Variants in USP28 observed in about 807,000 individuals in gnomAD.
USP28 encodes the protein ubiquitin carboxyl-terminal hydrolase 28.
Under a neutral mutation model 145.0 loss-of-function variants are expected in USP28, and 113 were observed. The ratio of observed to expected loss-of-function variants is 0.78; its 90% CI spans 0.67 to 0.91. The LOEUF (loss-of-function observed/expected upper bound fraction) is 0.91, where lower values mean the gene tolerates loss of function less well. Ranked by LOEUF, USP28 falls within the 40% of genes least tolerant of loss-of-function variation. The probability of loss-of-function intolerance (pLI) is 0.00; values close to 1 mark genes in which losing one functional copy is unlikely to be tolerated. For synonymous variants in USP28, 447 were observed against 450.9 expected (o/e 0.99, Z 0.11); for missense variants, 1,201 against 1,289.6 (o/e 0.93, Z 1.05).
intron 6 of USP28, 55 bp from the exon 7 acceptor site, chr11:113,833,612 C>G (rs1022979548): frequency 6.5e-7 from 1 of 1,546,316 alleles, no homozygotes; most frequent in Non-Finnish European, 8.7e-7. Context: ...AAAATCAGAA[C>G]GTGTAAAGAA....
At chr11:113,874,424 A>AAG (rs1949164986) in intron 1 of USP28, 3 of 148,578 alleles carry the variant, frequency 2.0e-5, no homozygotes, top group Non-Finnish European at 3.0e-5. Context: ...GACTCTGTCG[A>AAG]AAAAAAAAAA....
exon 23 of USP28, chr11:113,803,269 T>C (rs1353631214): frequency 3.1e-6 from 5 of 1,612,522 alleles, no homozygotes; most frequent in Non-Finnish European, 4.2e-6. Flanking sequence ...GGTAGGAAAG[T>C]GCCTCTTGGT....
intron 16 of USP28, among the ~76,000 whole-genome samples, chr11:113,810,196 C>A (rs1940751528): frequency 6.6e-6 from 1 of 152,108 alleles, no homozygotes; most frequent in Non-Finnish European, 1.5e-5. Flanking sequence ...TAAGAATGTC[C>A]ATTTCAAAAA....
chr11:113,851,844 A>G (rs1946488640), intron 3 of USP28, among the ~76,000 whole-genome samples: 1 of 57,802 alleles, frequency 1.7e-5, no homozygotes, highest in African/African-American at 4.2e-5. Flanking sequence ...TCTTTTTTTC[A>G]TTTCTTTCTT....
At position 113,817,565 on chromosome 11, in the gene USP28, T is replaced by C. The variant is rs148309647; in HGVS notation, c.1463+93A>G. 3,163 of 1,413,032 alleles carry C rather than the reference T, an allele frequency of 2.2e-3. 68 individuals are homozygous for C. Among genetic ancestry groups the C allele is most frequent in the Non-Finnish European group, 3.7e-4 (389 of 1,037,444 alleles). 87.5% of individuals were successfully genotyped at this position (1,413,032 alleles called of 1,614,324 possible). A position where few individuals can be genotyped will look rare whatever the true frequency, so the allele number is the denominator to read the frequency against. ...AGAGCTCACAGCTCCTGTGCTCTTATAGGTGACTGTCAATCAAGTACAAAG... is the reference window on the plus strand; with the variant it reads ...AGAGCTCACAGCTCCTGTGCTCTTACAGGTGACTGTCAATCAAGTACAAAG... On this transcript the variant is annotated intron_variant, in intron 13 of 24. Coordinates refer to ENST00000003302, the Ensembl canonical transcript of USP28.
chr11:113,832,124 T>A, intron 7 of USP28, 131 bp from the exon 8 acceptor site: 1 of 828,732 alleles, frequency 1.2e-6, no homozygotes, highest in Non-Finnish European at 1.9e-6. Flanking sequence ...TCTTTTTTTG[T>A]TTTGAGACAG....
chr11:113,862,622 T>C (rs770053052), intron 1 of USP28, among the ~76,000 whole-genome samples: 1 of 152,170 alleles, frequency 6.6e-6, no homozygotes, highest in African/African-American at 2.4e-5. Flanking sequence ...AGGATGCTGG[T>C]AGGCAAAACA....
chr11:113,816,161 T>C (rs1169617712), intron 13 of USP28, among the ~76,000 whole-genome samples: 2 of 152,196 alleles, frequency 1.3e-5, no homozygotes, highest in Non-Finnish European at 2.9e-5. Flanking sequence ...TAATTGTAGT[T>C]AGGTTTCTCT....
chr11:113,866,224 A>G (rs1948233731), intron 1 of USP28, among the ~76,000 whole-genome samples: 1 of 152,216 alleles, frequency 6.6e-6, no homozygotes, highest in African/African-American at 2.4e-5. Flanking sequence ...CCCAGGAGGC[A>G]GAGGTTGCAG....
At chr11:113,863,100 C>T (rs1046405016) in intron 1 of USP28, among the ~76,000 whole-genome samples, 2 of 152,082 alleles carry the variant, frequency 1.3e-5, no homozygotes, top group African/African-American at 4.8e-5. Context: ...AAAAGTAAAA[C>T]AGTATTCACA....
chr11:113,843,079 A>C (rs1945390946), intron 3 of USP28, among the ~76,000 whole-genome samples: 1 of 152,122 alleles, frequency 6.6e-6, no homozygotes. Context: ...AAAAATACAA[A>C]AAATTAGCTG....
At chr11:113,854,212 A>G (rs1338422369) in intron 2 of USP28, 46 bp downstream of exon 2, 1 of 1,526,360 alleles carries the variant, frequency 6.6e-7, no homozygotes. Flanking sequence ...TATAATATAG[A>G]CAGCTGCTTT....
At chr11:113,854,268 T>C (rs1486829331) in exon 2 of USP28, 3 of 1,613,960 alleles carry the variant, frequency 1.9e-6, no homozygotes, top group South Asian at 2.2e-5. Flanking sequence ...CTTCAGAGCT[T>C]CATGGAGAAA....
At chr11:113,863,369 G>T (rs74885584) in intron 1 of USP28, among the ~76,000 whole-genome samples, 1 of 152,028 alleles carries the variant, frequency 6.6e-6, no homozygotes, top group East Asian at 1.9e-4. Flanking sequence ...GCTGAGGCTG[G>T]GTGCGATGGC....
At chr11:113,874,117 G>A (rs1202242584) in intron 1 of USP28, among the ~76,000 whole-genome samples, 6 of 143,538 alleles carry the variant, frequency 4.2e-5, no homozygotes, top group Admixed American at 2.1e-4. Flanking sequence ...CCCCAGCCTG[G>A]GCGACAAAGT....
chr11:113,848,194 A>G (rs1946092577), intron 3 of USP28, among the ~76,000 whole-genome samples: 1 of 152,234 alleles, frequency 6.6e-6, no homozygotes, highest in Non-Finnish European at 1.5e-5. Context: ...AATTAAACAT[A>G]CTGATTAAAC....
chr11:113,848,083 G>C (rs1045636968), intron 3 of USP28, among the ~76,000 whole-genome samples: 1 of 152,210 alleles, frequency 6.6e-6, no homozygotes, highest in Non-Finnish European at 1.5e-5. Context: ...TATTAAGGAA[G>C]TGAGTAAAGA....
At chr11:113,801,526 G>T in exon 24 of USP28, 4 of 1,598,924 alleles carry the variant, frequency 2.5e-6, no homozygotes, top group Non-Finnish European at 3.4e-6. Flanking sequence ...GGTTTCTCAT[G>T]ACCTCAATGG....
At chr11:113,813,184 A>G (rs1941252771) in intron 15 of USP28, among the ~76,000 whole-genome samples, 1 of 152,226 alleles carries the variant, frequency 6.6e-6, no homozygotes, top group African/African-American at 2.4e-5. Context: ...AGATTTTTGA[A>G]TTAACACAAA....
Sources: gnomAD v4.1 joint callset for allele counts (sites outside exome capture counted in the v4.1 genomes callset) on GRCh38, gnomAD v4.1.1 for gene constraint, MANE v1.5 for transcripts, NCBI Gene and HGNC (gene_info 2026-07-23, HGNC 2026-07-21) for gene names.